Variants in PPM1B observed in about 807,000 individuals in gnomAD.
PPM1B encodes the protein protein phosphatase 1B.
In PPM1B, 22 loss-of-function variants were observed where a neutral mutation model predicts 43.0. That is an observed-to-expected ratio of 0.51 (90% CI 0.37 to 0.73). The LOEUF is 0.73. PPM1B is among the 30% of genes least tolerant of loss of function. PPM1B has a pLI of 0.00. For missense variants in PPM1B, 632 were observed against 584.2 expected, an observed-to-expected ratio of 1.08 and a Z score of -0.84; for synonymous variants, 217 against 197.9, an observed-to-expected ratio of 1.10 and a Z score of -0.81.
chr2:44,196,339 C>G (rs1026464110), intron 1 of PPM1B, among the ~76,000 whole-genome samples: 1 of 152,084 alleles, frequency 6.6e-6, no homozygotes, highest in Non-Finnish European at 1.5e-5. Flanking sequence ...TGGAGTTTCT[C>G]TAATGCTTTT....
At chr2:44,192,673 A>G (rs183168235) in intron 1 of PPM1B, among the ~76,000 whole-genome samples, 140 of 152,200 alleles carry the variant, frequency 9.2e-4, no homozygotes, top group Non-Finnish European at 1.6e-3. Flanking sequence ...TATTTATTTC[A>G]CCTGTCTAAC....
chr2:44,241,959 C>T (rs905350458), intron 5 of PPM1B, among the ~76,000 whole-genome samples: 2 of 145,838 alleles, frequency 1.4e-5, no homozygotes, highest in African/African-American at 5.0e-5. Context: ...CCCAGGTTCA[C>T]GCCATTCTCC....
intron 3 of PPM1B, among the ~76,000 whole-genome samples, chr2:44,215,363 C>T (rs990413345): frequency 6.6e-6 from 1 of 151,956 alleles, no homozygotes; most frequent in East Asian, 1.9e-4. Flanking sequence ...AAGACTGAAG[C>T]AGGAGGATCA....
intron 3 of PPM1B, among the ~76,000 whole-genome samples, chr2:44,211,910 C>T (rs972010168): frequency 6.6e-5 from 10 of 151,948 alleles, no homozygotes; most frequent in Admixed American, 4.6e-4. Context: ...CCACCACACC[C>T]GGCCAATTTT....
intron 2 of PPM1B, among the ~76,000 whole-genome samples, chr2:44,205,351 GT>G (rs1558411859): frequency 2.1e-5 from 3 of 143,536 alleles, no homozygotes; most frequent in East Asian, 2.1e-4. Context: ...GGGTGTGGGT[GT>G]GGGTGTGTGT....
chr2:44,180,119 A>G (rs1036540986), intron 1 of PPM1B, among the ~76,000 whole-genome samples: 1 of 152,190 alleles, frequency 6.6e-6, no homozygotes, highest in Non-Finnish European at 1.5e-5. Flanking sequence ...TTGAATGGCA[A>G]TAATAGGGGT....
At chr2:44,235,078 C>G (rs541179857), downstream of PPM1B, among the ~76,000 whole-genome samples, 2 of 152,266 alleles carry the variant, frequency 1.3e-5, no homozygotes, top group South Asian at 4.1e-4. Flanking sequence ...GATATCAAAA[C>G]TTGACAACTG....
chr2:44,202,047 T>C lies in PPM1B; in HGVS notation c.846+2T>C. The C allele has an allele frequency of 6.6e-7, 1 of 1,515,818 alleles. No homozygotes were observed. Among genetic ancestry groups the C allele is most frequent in the Non-Finnish European group, 8.8e-7 (1 of 1,133,488 alleles). 93.9% of individuals were successfully genotyped at this position (1,515,818 alleles called of 1,614,324 possible). ...GTAGTGGACACTTGTTTACACAAGG[T>C]ATGTAAACTTTTTTGTCATTAAAAT... is the stretch of plus-strand genomic sequence containing the variant. On this transcript the variant is annotated splice_donor_variant, in intron 2 of 5. Transcript: ENST00000282412. LOFTEE classifies it high-confidence loss of function.
chr2:44,185,758 T>A (rs1394064822), intron 1 of PPM1B, among the ~76,000 whole-genome samples: 1 of 152,238 alleles, frequency 6.6e-6, no homozygotes, highest in Admixed American at 6.5e-5. Flanking sequence ...CAGTAACATC[T>A]CCTTGCCATT....
At chr2:44,202,201 G>T (rs1668971883) in intron 2 of PPM1B, among the ~76,000 whole-genome samples, 156 bp downstream of exon 2, 1 of 152,030 alleles carries the variant, frequency 6.6e-6, no homozygotes, top group Non-Finnish European at 1.5e-5. Context: ...TGTTTTCTTT[G>T]CCATCCTTGT....
At chr2:44,209,429 C>A (rs1669351380) in intron 3 of PPM1B, 102 bp downstream of exon 3, 1 of 1,216,296 alleles carries the variant, frequency 8.2e-7, no homozygotes, top group Non-Finnish European at 1.1e-6. Context: ...AAGGCTCTGT[C>A]TCAAAAAAAA....
At chr2:44,184,617 T>C (rs1225980413) in intron 1 of PPM1B, among the ~76,000 whole-genome samples, 1 of 152,120 alleles carries the variant, frequency 6.6e-6, no homozygotes, top group Non-Finnish European at 1.5e-5. Flanking sequence ...ACTGGACATA[T>C]AATAGACATC....
intron 1 of PPM1B, among the ~76,000 whole-genome samples, chr2:44,190,984 C>T (rs763521886): frequency 1.3e-5 from 2 of 152,180 alleles, no homozygotes. Context: ...GATCCATGTT[C>T]TCATCACTAA....
At chr2:44,204,938 C>A (rs983292890) in intron 2 of PPM1B, among the ~76,000 whole-genome samples, 7 of 148,744 alleles carry the variant, frequency 4.7e-5, no homozygotes, top group Middle Eastern at 3.2e-3. Context: ...TGTTGTATGA[C>A]TGTGGTCAGG....
intron 1 of PPM1B, among the ~76,000 whole-genome samples, chr2:44,196,557 C>T (rs1432068107): frequency 1.3e-5 from 2 of 152,160 alleles, no homozygotes; most frequent in Admixed American, 1.3e-4. Flanking sequence ...AAAATAACTG[C>T]CCAATCCACC....
chr2:44,188,067 T>A (rs1471541972), intron 1 of PPM1B, among the ~76,000 whole-genome samples: 1 of 152,200 alleles, frequency 6.6e-6, no homozygotes, highest in African/African-American at 2.4e-5. Flanking sequence ...TTAAATTTTT[T>A]AATTTGATAC....
At chr2:44,207,031 T>G (rs1240945503) in intron 2 of PPM1B, among the ~76,000 whole-genome samples, 3 of 152,202 alleles carry the variant, frequency 2.0e-5, no homozygotes, top group Non-Finnish European at 4.4e-5. Flanking sequence ...ATTTGGCCAA[T>G]TTGGAAATGG....
chr2:44,224,989 G>C (rs765899631), intron 5 of PPM1B, among the ~76,000 whole-genome samples: 4 of 152,096 alleles, frequency 2.6e-5, no homozygotes, highest in African/African-American at 9.7e-5. Flanking sequence ...TCAACAGAGC[G>C]CAAAGATAGA....
chr2:44,233,875 C>G (rs546356177), downstream of PPM1B: 2 of 985,440 alleles, frequency 2.0e-6, no homozygotes, highest in Non-Finnish European at 1.2e-6. Context: ...AGCTGTTTGT[C>G]CCTTTACTGG....
Sources: allele counts gnomAD v4.1 joint callset (sites outside exome capture counted in the v4.1 genomes callset), GRCh38; gene constraint gnomAD v4.1.1; transcripts MANE v1.5; gene names NCBI Gene and HGNC (gene_info 2026-07-23, HGNC 2026-07-21).